The following CASP5 variants were observed in gnomAD, a reference collection of about 807,000 sequenced individuals.
CASP5 encodes the protein caspase-5.
In CASP5, 42 loss-of-function variants were observed where a neutral mutation model predicts 45.2. That is an observed-to-expected ratio of 0.93 (90% CI 0.73 to 1.20). The LOEUF (loss-of-function observed/expected upper bound fraction) is 1.20. Ranked by LOEUF, CASP5 falls within the 50% of genes most tolerant of loss-of-function variation. The pLI is 0.00. For missense variants in CASP5, 512 were observed against 532.2 expected, an observed-to-expected ratio of 0.96 and a Z score of 0.37; for synonymous variants, 209 against 186.2, an observed-to-expected ratio of 1.12 and a Z score of -1.00.
chr11:105,000,574 C>T, intron 5 of CASP5, 79 bp from the exon 6 acceptor site: 1 of 1,298,112 alleles, frequency 7.7e-7, no homozygotes, highest in South Asian at 1.2e-5. Context: ...ATGAGCGAAA[C>T]AAGAAACATA....
At chr11:105,008,725 T>A in intron 2 of CASP5, 82 bp downstream of exon 2, 2 of 926,260 alleles carry the variant, frequency 2.2e-6, no homozygotes, top group Non-Finnish European at 3.4e-6. Context: ...GATAGGGGGA[T>A]CACAGAAGTC....
At chr11:105,017,604 G>GA (rs1329425735) in intron 1 of CASP5, among the ~76,000 whole-genome samples, 1 of 152,040 alleles carries the variant, frequency 6.6e-6, no homozygotes, top group Non-Finnish European at 1.5e-5. Flanking sequence ...GAAGTTTAGA[G>GA]AAAAAAGAAT....
intron 1 of CASP5, among the ~76,000 whole-genome samples, chr11:105,021,534 A>T (rs920787656): frequency 6.6e-6 from 1 of 150,764 alleles, no homozygotes; most frequent in Non-Finnish European, 1.5e-5. Context: ...GAAGACATTT[A>T]TGCAGCCAAA....
intron 1 of CASP5, among the ~76,000 whole-genome samples, chr11:105,009,651 A>G (rs540873094): frequency 6.8e-6 from 1 of 146,858 alleles, no homozygotes; most frequent in Non-Finnish European, 1.5e-5. Flanking sequence ...GTAGATTAAT[A>G]TAATACTGAG....
rs1411314452 is a variant in CASP5 at position 105,000,504 on chromosome 11, G to C, written c.718-9C>G. 8.1e-6 allele frequency: 13 copies of C among 1,611,930 alleles called. No homozygotes were observed. Among genetic ancestry groups the C allele is most frequent in the Non-Finnish European group, 8.5e-6 (10 of 1,178,114 alleles). On this transcript the variant is annotated splice_polypyrimidine_tract_variant and intron_variant, in intron 5 of 9. Coordinates refer to ENST00000260315, the MANE Select transcript of CASP5 (RefSeq NM_004347.5). ...AGCACTGACTCCATATCCTATAAAA[G>C]AGCAATGTCTAACTTCAGTCAGAGA...
chr11:105,000,691 T>G (rs994804069), intron 5 of CASP5, among the ~76,000 whole-genome samples, 196 bp from the exon 6 acceptor site: 12 of 152,000 alleles, frequency 7.9e-5, no homozygotes. Context: ...GGCTGTGGGT[T>G]CCTACTTTTT....
chr11:105,015,622 A>G (rs1447132274), intron 1 of CASP5, among the ~76,000 whole-genome samples: 1 of 152,106 alleles, frequency 6.6e-6, no homozygotes, highest in Non-Finnish European at 1.5e-5. Context: ...TCTCCTATCT[A>G]TTATCTAATG....
intron 1 of CASP5, among the ~76,000 whole-genome samples, chr11:105,020,833 A>C (rs1232332705): frequency 6.6e-6 from 1 of 152,088 alleles, no homozygotes; most frequent in Non-Finnish European, 1.5e-5. Context: ...GGAACCAAAA[A>C]AGAGCCCGCA....
chr11:105,007,869 T>G (rs1267225764), intron 2 of CASP5, among the ~76,000 whole-genome samples: 1 of 152,154 alleles, frequency 6.6e-6, no homozygotes, highest in Non-Finnish European at 1.5e-5. Flanking sequence ...TTAAAAGTAC[T>G]TAGCATGCTT....
At chr11:105,018,866 C>T (rs1171708448) in intron 1 of CASP5, among the ~76,000 whole-genome samples, 1 of 147,946 alleles carries the variant, frequency 6.8e-6, no homozygotes, top group East Asian at 1.9e-4. Context: ...TTTTCAGCAC[C>T]ACACCACACC....
chr11:105,001,916 G>A (rs1591157360), intron 5 of CASP5, 112 bp downstream of exon 5: 7 of 944,342 alleles, frequency 7.4e-6, no homozygotes, highest in African/African-American at 1.7e-5. Context: ...ACACACACAC[G>A]CACACGAACC....
At chr11:105,003,214 G>T in intron 4 of CASP5, 60 bp downstream of exon 4, 3 of 1,045,102 alleles carry the variant, frequency 2.9e-6, no homozygotes, top group Non-Finnish European at 3.0e-6. Context: ...AATGTGCATT[G>T]CATTTAATGA....
chr11:104,997,083 C>A (rs1178195362), intron 8 of CASP5, among the ~76,000 whole-genome samples: 1 of 152,096 alleles, frequency 6.6e-6, no homozygotes, highest in African/African-American at 2.4e-5. Context: ...AGTTTTTATT[C>A]ATTTAGTAAA....
chr11:104,998,946 TG>T lies in CASP5; in HGVS notation c.1034del (p.Ala345GlufsTer52), dbSNP rs747308716. 6.2e-7 allele frequency: 1 copy of T among 1,613,938 alleles called. No homozygotes were observed. Among genetic ancestry groups the T allele is most frequent in the Non-Finnish European group, 8.5e-7 (1 of 1,179,838 alleles). On this transcript the variant is annotated frameshift_variant, in exon 7 of 10. Transcript: ENST00000260315. LOFTEE classifies it high-confidence loss of function. ...ISSQSSENLE[A>X]DSVCKIHEEK... is the part of the protein sequence containing the mutation. ...CCTCGTGGATCTTGCAAACAGAATC[TG>T]CCTCCAGGTTCTCAGATGACTGTGA...
At chr11:105,003,828 A>G (rs934133243) in intron 3 of CASP5, among the ~76,000 whole-genome samples, 1 of 151,614 alleles carries the variant, frequency 6.6e-6, no homozygotes, top group Non-Finnish European at 1.5e-5. Flanking sequence ...TAAATTTTCT[A>G]ATATCACATT....
At position 105,002,199 on chromosome 11, in the gene CASP5, G is replaced by T. The variant is rs1455955135; in HGVS notation, c.546C>A (p.Ile182=). 6.2e-7 allele frequency: 1 copy of T among 1,613,510 alleles called. No individual in the cohort carries two copies. Among genetic ancestry groups the T allele is most frequent in the South Asian group, 1.1e-5 (1 of 90,976 alleles). Residue 182 remains isoleucine (I), a splice_region_variant and synonymous_variant, in exon 5 of 10, where the codon ATC becomes ATA. Coordinates refer to ENST00000260315, the MANE Select transcript of CASP5 (RefSeq NM_004347.5). The part of the protein sequence containing the change: ...LRLCKKNHDE[I]YPIKKREDRR... Reference sequence around the variant, plus strand: ...GGTCCTCTCTCTTTTTTATTGGATAGATCTGCAGGAGATGGAGATGAAGCA... The same window carrying T: ...GGTCCTCTCTCTTTTTTATTGGATATATCTGCAGGAGATGGAGATGAAGCA...
chr11:105,017,987 A>G (rs367724294), intron 1 of CASP5, among the ~76,000 whole-genome samples: 22 of 152,198 alleles, frequency 1.4e-4, no homozygotes, highest in Non-Finnish European at 2.4e-4. Flanking sequence ...CCAGAAGAGA[A>G]TGAGGGCCAA....
chr11:104,998,054 CAG>C (rs1054377743), intron 7 of CASP5, among the ~76,000 whole-genome samples: 3 of 152,154 alleles, frequency 2.0e-5, no homozygotes, highest in Non-Finnish European at 2.9e-5. Context: ...TAAAAATTTG[CAG>C]AGAGTAGATC....
intron 1 of CASP5, among the ~76,000 whole-genome samples, chr11:105,012,736 G>C (rs543532069): frequency 1.0e-4 from 13 of 124,548 alleles, no homozygotes; most frequent in African/African-American, 3.5e-4. Flanking sequence ...AGAATGATTA[G>C]AATGGGTATT....
Sources: allele counts gnomAD v4.1 joint callset (sites outside exome capture counted in the v4.1 genomes callset), GRCh38; gene constraint gnomAD v4.1.1; transcripts MANE v1.5; gene names NCBI Gene and HGNC (gene_info 2026-07-23, HGNC 2026-07-21).